The following EPB41L2 variants were observed in gnomAD, a reference collection of about 807,000 sequenced individuals.
EPB41L2 encodes erythrocyte membrane protein band 4.1 like 2, also known as band 4.1-like protein 2.
A neutral mutation model predicts 113.0 loss-of-function variants in EPB41L2; 43 were observed. The ratio of observed to expected loss-of-function variants is 0.38; its 90% CI spans 0.30 to 0.49. The LOEUF (loss-of-function observed/expected upper bound fraction) is 0.49, where lower values mean the gene tolerates loss of function less well. Ranked by LOEUF, EPB41L2 falls within the 20% of genes least tolerant of loss-of-function variation. The pLI is 0.95. For synonymous variants in EPB41L2, 442 were observed against 436.7 expected, an observed-to-expected ratio of 1.01 and a Z score of -0.15; for missense variants, 1,147 against 1,223.4, an observed-to-expected ratio of 0.94 and a Z score of 0.93.
intron 4 of EPB41L2, 28 bp downstream of exon 4, chr6:130,926,577 A>C: frequency 6.1e-6 from 9 of 1,465,414 alleles, no homozygotes; most frequent in Non-Finnish European, 8.5e-6. Flanking sequence ...TGTTCTAAAA[A>C]GATAAAAATA....
At position 131,044,106 on chromosome 6, in the gene EPB41L2, T is replaced by G. The variant is rs533298598; in HGVS notation, c.-15+19049A>C. 1.9e-4 allele frequency among the ~76,000 whole-genome samples: 28 copies of G among 150,844 alleles called. 1 individual carries two copies. Among genetic ancestry groups the G allele is most frequent in the African/African-American group, 6.8e-4 (28 of 40,994 alleles). On this transcript the variant is annotated intron_variant, in intron 1 of 19. Transcript: ENST00000337057. Reference sequence around the variant, plus strand: ...GTGAAATCACCACTCACTGCAGCCTTGACCTCCTGAGCTCAGGAGATTCTC... The same window carrying G: ...GTGAAATCACCACTCACTGCAGCCTGGACCTCCTGAGCTCAGGAGATTCTC...
chr6:130,906,008 A>C (rs1419231750), intron 5 of EPB41L2, among the ~76,000 whole-genome samples: 2 of 152,218 alleles, frequency 1.3e-5, no homozygotes, highest in Non-Finnish European at 2.9e-5. Flanking sequence ...CATTTAAAAC[A>C]TAATAATGGG....
At chr6:130,851,388 T>C (rs1402294956) in intron 19 of EPB41L2, among the ~76,000 whole-genome samples, 1 of 152,230 alleles carries the variant, frequency 6.6e-6, no homozygotes, top group African/African-American at 2.4e-5. Flanking sequence ...TGTTTAGAAA[T>C]TGGCATTCGT....
At chr6:131,032,184 C>T (rs1178481960) in intron 1 of EPB41L2, among the ~76,000 whole-genome samples, 1 of 151,926 alleles carries the variant, frequency 6.6e-6, no homozygotes. Flanking sequence ...ACAGCCCTAG[C>T]CAGCACAATA....
intron 1 of EPB41L2, among the ~76,000 whole-genome samples, chr6:131,008,562 G>A (rs929439744): frequency 2.0e-5 from 3 of 152,216 alleles, no homozygotes; most frequent in Non-Finnish European, 4.4e-5. Flanking sequence ...CCAGACCCCA[G>A]AACGGTAGAT....
At chr6:130,894,200 A>C in intron 10 of EPB41L2, 144 bp downstream of exon 10, 1 of 640,388 alleles carries the variant, frequency 1.6e-6, no homozygotes, top group Middle Eastern at 4.5e-4. Flanking sequence ...CTTAGAAAAA[A>C]AGAGAGATGG....
At chr6:130,880,548 A>G (rs1043035067) in intron 12 of EPB41L2, 2 of 604,994 alleles carry the variant, frequency 3.3e-6, no homozygotes, top group Non-Finnish European at 5.9e-6. Flanking sequence ...AAACTCTACC[A>G]TCAGTGCAAA....
chr6:131,029,413 A>C (rs927262359), intron 1 of EPB41L2, among the ~76,000 whole-genome samples: 1 of 150,938 alleles, frequency 6.6e-6, no homozygotes, highest in South Asian at 2.1e-4. Context: ...AAAAAAAAAA[A>C]AGCATGCTTA....
At chr6:131,015,422 A>C (rs1022181684) in intron 1 of EPB41L2, 6 of 152,236 alleles carry the variant, frequency 3.9e-5, no homozygotes, top group Non-Finnish European at 7.3e-5. Context: ...ATAAGTAAAC[A>C]ACAACAGAAC....
intron 1 of EPB41L2, among the ~76,000 whole-genome samples, chr6:131,027,232 T>C (rs73623310): frequency 0.017 from 2,656 of 152,346 alleles, 90 homozygotes; most frequent in African/African-American, 0.059. Flanking sequence ...TTTTTTTGTT[T>C]GTTTTTTTGT....
rs755994513 is a variant in EPB41L2, at chr6:130,894,392, G to A, written c.1439C>T (p.Ala480Val). 2 of 1,613,890 alleles carry A rather than the reference G, an allele frequency of 1.2e-6. No homozygotes were observed. The highest frequency in any genetic ancestry group is 1.7e-6 in the Non-Finnish European group (2 of 1,179,884). ...GCACACTTTCCATAGTCTTTTCGCT[G>A]CCCGGTGGTTTGGCAGTTTGAATCC... ...TIGFKLPNHR[A>V]AKRLWKVCVE... is the part of the protein sequence containing the mutation. Residue 480 changes from alanine (A) to valine (V), a missense_variant, in exon 10 of 20, where the codon GCA becomes GTA. By Grantham distance (64) the Ala-to-Val change is moderately conservative (BLOSUM62 0). Transcript: ENST00000337057.
intron 1 of EPB41L2, among the ~76,000 whole-genome samples, chr6:131,024,699 G>A (rs901020450): frequency 3.3e-5 from 5 of 152,020 alleles, no homozygotes; most frequent in Non-Finnish European, 7.4e-5. Context: ...AAGCACATAC[G>A]ACGCACTAGG....
intron 1 of EPB41L2, among the ~76,000 whole-genome samples, chr6:131,021,665 A>C (rs1224764956): frequency 6.7e-6 from 1 of 149,880 alleles, no homozygotes; most frequent in Non-Finnish European, 1.5e-5. Flanking sequence ...CCGTCTGGGA[A>C]AAAAAAAAAG....
At chr6:131,038,940 C>T (rs763118287) in intron 1 of EPB41L2, among the ~76,000 whole-genome samples, 9 of 152,122 alleles carry the variant, frequency 5.9e-5, no homozygotes, top group Admixed American at 1.3e-4. Flanking sequence ...ACATTAAACT[C>T]TACATTAAGA....
At chr6:130,917,626 T>C (rs1030659058) in intron 4 of EPB41L2, among the ~76,000 whole-genome samples, 1 of 152,196 alleles carries the variant, frequency 6.6e-6, no homozygotes, top group African/African-American at 2.4e-5. Flanking sequence ...CTCCTTGTCG[T>C]ATCTGGAGCT....
intron 3 of EPB41L2, among the ~76,000 whole-genome samples, chr6:130,937,821 G>GAAAAAAAAAAA (rs66505919): frequency 0.013 from 1,708 of 129,618 alleles, 84 homozygotes; most frequent in African/African-American, 0.054. Context: ...ATCTCAAAAA[G>GAAAAAAAAAAA]AAAAAAAAAA....
chr6:130,855,846 G>T (rs1322390314), intron 19 of EPB41L2, among the ~76,000 whole-genome samples: 1 of 150,686 alleles, frequency 6.6e-6, no homozygotes, highest in Non-Finnish European at 1.5e-5. Context: ...GAAGAGCCAA[G>T]AATGAAGAAA....
intron 19 of EPB41L2, among the ~76,000 whole-genome samples, chr6:130,856,378 T>C (rs1780216664): frequency 1.3e-5 from 2 of 152,108 alleles, no homozygotes; most frequent in South Asian, 4.1e-4. Context: ...AAAGAAAGAA[T>C]GAAAGCAAAA....
At chr6:130,960,118 A>G (rs1399219084) in intron 1 of EPB41L2, among the ~76,000 whole-genome samples, 6 of 152,204 alleles carry the variant, frequency 3.9e-5, no homozygotes, top group African/African-American at 1.4e-4. Flanking sequence ...AATAAACAGT[A>G]GTCACTTATC....
Sources: gnomAD v4.1 joint callset for allele counts (sites outside exome capture counted in the v4.1 genomes callset) on GRCh38, gnomAD v4.1.1 for gene constraint, MANE v1.5 for transcripts, NCBI Gene and HGNC (gene_info 2026-07-23, HGNC 2026-07-21) for gene names.